Variants in RELN observed in about 807,000 individuals in gnomAD.
RELN encodes the protein reelin.
A neutral mutation model predicts 427.6 loss-of-function variants in RELN; 108 were observed. The observed-to-expected ratio is 0.25, with a 90% CI of 0.22 to 0.30. The LOEUF (loss-of-function observed/expected upper bound fraction) is 0.30, where lower values mean the gene tolerates loss of function less well. Ranked by LOEUF, RELN falls within the 10% of genes least tolerant of loss-of-function variation. The pLI, the probability that RELN is intolerant of heterozygous loss-of-function variation, is 1.00. For missense variants in RELN, 3,715 were observed against 4,302.8 expected, an observed-to-expected ratio of 0.86 and a Z score of 3.82; for synonymous variants, 1,524 against 1,513.4, an observed-to-expected ratio of 1.01 and a Z score of -0.16.
At chr7:103,954,407 GGT>G (rs376409034) in intron 1 of RELN, among the ~76,000 whole-genome samples, 2 of 151,464 alleles carry the variant, frequency 1.3e-5, no homozygotes, top group African/African-American at 4.9e-5. Context: ...AGTTTGTGAG[GGT>G]GTGTGTGTGT....
At chr7:103,645,820 A>T (rs1311048660) in intron 16 of RELN, among the ~76,000 whole-genome samples, 1 of 151,880 alleles carries the variant, frequency 6.6e-6, no homozygotes, top group Non-Finnish European at 1.5e-5. Context: ...CCAAACAACC[A>T]CAGAATATAC....
intron 38 of RELN, among the ~76,000 whole-genome samples, chr7:103,555,535 T>C (rs1346642273): frequency 1.3e-5 from 2 of 152,148 alleles, no homozygotes; most frequent in African/African-American, 2.4e-5. Flanking sequence ...TGCAGTGTCA[T>C]GATCTCGGTT....
intron 13 of RELN, among the ~76,000 whole-genome samples, chr7:103,653,211 T>C (rs1386689791): frequency 6.6e-6 from 1 of 152,064 alleles, no homozygotes; most frequent in Non-Finnish European, 1.5e-5. Flanking sequence ...AATGAGTCAA[T>C]GCATTATAAC....
In RELN at chr7:103,635,521, TG is replaced by T; in HGVS notation, c.2368del (p.Gln790SerfsTer16). ...SVLSTCRAPD[Q>X]PGEGVLLHYS... Reference sequence around the variant, plus strand: ...ATGCAACAAAACTCCTTCACCAGGCTGATCAGGGGCTCTGCACGTGCTCAGA... The same window carrying T: ...ATGCAACAAAACTCCTTCACCAGGCTATCAGGGGCTCTGCACGTGCTCAGA... On this transcript the variant is annotated frameshift_variant, in exon 19 of 65. Coordinates refer to ENST00000428762, the MANE Select transcript of RELN (RefSeq NM_005045.4). LOFTEE classifies it high-confidence loss of function. 5 of 1,614,030 alleles carry T rather than the reference TG, an allele frequency of 3.1e-6. No individual in the cohort carries two copies. Among genetic ancestry groups the T allele is most frequent in the Non-Finnish European group, 4.2e-6 (5 of 1,179,902 alleles).
intron 12 of RELN, among the ~76,000 whole-genome samples, chr7:103,654,809 T>C (rs1261542794): frequency 6.6e-6 from 1 of 152,040 alleles, no homozygotes; most frequent in African/African-American, 2.4e-5. Flanking sequence ...TGGAAAACAA[T>C]ATGCCATTGA....
chr7:103,739,404 T>A (rs761190110), intron 6 of RELN, among the ~76,000 whole-genome samples: 1 of 152,218 alleles, frequency 6.6e-6, no homozygotes, highest in Admixed American at 6.5e-5. Context: ...TGGAGGGTTG[T>A]TGCTGTATGA....
intron 48 of RELN, among the ~76,000 whole-genome samples, chr7:103,520,555 C>A (rs1259549182): frequency 6.6e-6 from 1 of 152,076 alleles, no homozygotes; most frequent in Non-Finnish European, 1.5e-5. Context: ...GGATTACAGG[C>A]GTGAGCCACC....
At chr7:103,493,519 G>C (rs1828734140) in intron 57 of RELN, among the ~76,000 whole-genome samples, 3 of 152,146 alleles carry the variant, frequency 2.0e-5, no homozygotes, top group Non-Finnish European at 4.4e-5. Context: ...GCCAGTCAAG[G>C]TTGGATGTGC....
At chr7:103,728,300 C>T in intron 6 of RELN, 93 bp from the exon 7 acceptor site, 2 of 1,217,788 alleles carry the variant, frequency 1.6e-6, no homozygotes, top group Non-Finnish European at 2.4e-6. Context: ...TTTATTGTTA[C>T]TCAGCTCAAA....
intron 7 of RELN, among the ~76,000 whole-genome samples, chr7:103,725,467 C>CTGAGGTGGGAGGA (rs71154365): frequency 0.99 from 149,893 of 151,878 alleles, 73,971 homozygotes; most frequent in Middle Eastern, 1. Flanking sequence ...AGGCAGGAGG[C>CTGAGGTGGGAGGA]TGAGGTCATA....
chr7:103,488,276 T>G (rs1828516881), intron 60 of RELN, among the ~76,000 whole-genome samples: 1 of 152,272 alleles, frequency 6.6e-6, no homozygotes. Flanking sequence ...AGCAAACGTG[T>G]ATGTGCTTGC....
intron 2 of RELN, among the ~76,000 whole-genome samples, chr7:103,846,596 G>A (rs976045842): frequency 6.6e-6 from 1 of 152,236 alleles, no homozygotes; most frequent in East Asian, 1.9e-4. Flanking sequence ...TAAAACTAAA[G>A]AGCTTCTGCA....
chr7:103,494,394 G>GTGTGTGTGTGTGTGTGTGTGA (rs774896895), intron 57 of RELN, among the ~76,000 whole-genome samples: 8 of 134,452 alleles, frequency 6.0e-5, no homozygotes, highest in East Asian at 5.1e-4. Flanking sequence ...TGTGTGTGTG[G>GTGTGTGTGTGTGTGTGTGTGA]GATATGGTCT....
At chr7:103,709,804 TA>T (rs1351558707) in intron 8 of RELN, among the ~76,000 whole-genome samples, 1 of 152,148 alleles carries the variant, frequency 6.6e-6, no homozygotes, top group Non-Finnish European at 1.5e-5. Context: ...CTACATTAAA[TA>T]AAAAATATTG....
At chr7:103,788,173 T>C (rs1467083008) in intron 3 of RELN, among the ~76,000 whole-genome samples, 1 of 152,186 alleles carries the variant, frequency 6.6e-6, no homozygotes, top group African/African-American at 2.4e-5. Context: ...AAACTAGGTA[T>C]TGATGGAATG....
chr7:103,486,634 G>T (rs1394358423), intron 60 of RELN, among the ~76,000 whole-genome samples: 5 of 151,484 alleles, frequency 3.3e-5, no homozygotes. Context: ...ATATTTATGT[G>T]GCCAACAAAC....
chr7:103,496,343 A>G (rs1828840769), intron 56 of RELN, among the ~76,000 whole-genome samples, 183 bp downstream of exon 56: 1 of 152,240 alleles, frequency 6.6e-6, no homozygotes. Flanking sequence ...CTCAGTGGAC[A>G]TTTCAAAAAG....
At chr7:103,493,448 G>A (rs995186888) in intron 57 of RELN, among the ~76,000 whole-genome samples, 5 of 152,180 alleles carry the variant, frequency 3.3e-5, no homozygotes, top group African/African-American at 1.2e-4. Flanking sequence ...TTCAGTTGAG[G>A]TGCCAATGTG....
intron 28 of RELN, among the ~76,000 whole-genome samples, chr7:103,577,111 A>C (rs1170173343): frequency 6.6e-6 from 1 of 152,238 alleles, no homozygotes; most frequent in Non-Finnish European, 1.5e-5. Context: ...TTTTGAGTTA[A>C]TCCAGCTTCT....
Sources: gnomAD v4.1 joint callset for allele counts (sites outside exome capture counted in the v4.1 genomes callset) on GRCh38, gnomAD v4.1.1 for gene constraint, MANE v1.5 for transcripts, NCBI Gene and HGNC (gene_info 2026-07-23, HGNC 2026-07-21) for gene names.